The following PPARGC1B variants were observed in gnomAD, a reference collection of about 807,000 sequenced individuals.
PPARGC1B encodes peroxisome proliferator-activated receptor gamma coactivator 1-beta.
In PPARGC1B, 34 loss-of-function variants were observed where a neutral mutation model predicts 101.6. The ratio of observed to expected loss-of-function variants is 0.33; its 90% CI spans 0.25 to 0.45. The LOEUF (loss-of-function observed/expected upper bound fraction) is 0.45. Among genes scored for constraint, PPARGC1B ranks in the 20% least tolerant of loss-of-function variants. The probability of loss-of-function intolerance (pLI) is 1.00; values close to 1 mark genes in which losing one functional copy is unlikely to be tolerated. For synonymous variants in PPARGC1B, 548 were observed against 539.3 expected (o/e 1.02, Z -0.22); for missense variants, 1,234 against 1,317.6 (o/e 0.94, Z 0.98).
rs201010955 is a variant in PPARGC1B at position 149,845,803 on chromosome 5, G to A, written c.2860G>A (p.Ala954Thr). Residue 954 changes from alanine to threonine, a missense_variant, in exon 11 of 12, where the codon GCG (alanine) becomes ACG (threonine). Coordinates refer to ENST00000309241, the MANE Select transcript of PPARGC1B (RefSeq NM_133263.4). ...GFITYRCSEHAALSLTKGAAL... is the reference protein window; with the variant it reads ...GFITYRCSEHTALSLTKGAAL... ...CATCACCTACCGGTGTTCTGAGCAC[G>A]CGGCCCTCTCTTTGACAAAGGGCGC... is the stretch of plus-strand genomic sequence containing the variant. 3.9e-5 allele frequency: 63 copies of A among 1,614,012 alleles called. No individual in the cohort carries two copies. The highest frequency in any genetic ancestry group is 1.7e-4 in the African/African-American group (13 of 75,056).
intron 1 of PPARGC1B, among the ~76,000 whole-genome samples, chr5:149,807,864 G>A (rs1757661077): frequency 6.6e-6 from 1 of 152,146 alleles, no homozygotes; most frequent in Non-Finnish European, 1.5e-5. Context: ...TTAGTCACCT[G>A]CATGAACAGT....
chr5:149,744,861 C>G (rs1034150417), intron 1 of PPARGC1B, among the ~76,000 whole-genome samples: 12 of 150,716 alleles, frequency 8.0e-5, no homozygotes, highest in Non-Finnish European at 1.8e-4. Flanking sequence ...CTTAGTGATT[C>G]ATAAGAGCTT....
chr5:149,819,224 C>T (rs1158611989), intron 1 of PPARGC1B, among the ~76,000 whole-genome samples: 1 of 152,212 alleles, frequency 6.6e-6, no homozygotes, highest in East Asian at 1.9e-4. Flanking sequence ...TCAGAGTCAC[C>T]TGTGGCTCCC....
rs1758828056 is a variant in PPARGC1B, at chr5:149,832,393, GTCAGT to G, written c.583-262_583-258del. 1.3e-5 allele frequency among the ~76,000 whole-genome samples: 2 copies of G among 152,150 alleles called. No homozygotes were observed. On this transcript the variant is annotated intron_variant, in intron 4 of 11. Transcript: ENST00000309241. This position sits in a 1 kb window ranked among gnomAD's most constrained non-coding sequence, Gnocchi z 4.9. ...GGCGGAATGGTCAGAGTGGGGCTTT[GTCAGT>G]GAATCTGGAAGGGTCTGCAGGGGCG...
At chr5:149,749,788 A>G (rs965553952) in intron 1 of PPARGC1B, among the ~76,000 whole-genome samples, 1 of 152,054 alleles carries the variant, frequency 6.6e-6, no homozygotes, top group Non-Finnish European at 1.5e-5. Context: ...GAGTTTCCTA[A>G]TCTCTGCCAT....
At chr5:149,789,362 A>G (rs887765532) in intron 1 of PPARGC1B, among the ~76,000 whole-genome samples, 1 of 152,228 alleles carries the variant, frequency 6.6e-6, no homozygotes, top group African/African-American at 2.4e-5. Flanking sequence ...TTATGTACAC[A>G]GGTTGTGTCC....
At chr5:149,744,543 G>A (rs955872071) in intron 1 of PPARGC1B, among the ~76,000 whole-genome samples, 10 of 152,276 alleles carry the variant, frequency 6.6e-5, no homozygotes, top group East Asian at 1.9e-4. Context: ...AGTGTTCTCC[G>A]AGAAAGCAAG....
intron 3 of PPARGC1B, among the ~76,000 whole-genome samples, chr5:149,828,618 G>C (rs966178833): frequency 1.2e-4 from 19 of 152,204 alleles, no homozygotes; most frequent in Non-Finnish European, 1.8e-4. Context: ...CTGGTCAAAG[G>C]TTGTTTCCCT....
intron 1 of PPARGC1B, among the ~76,000 whole-genome samples, chr5:149,802,241 G>A (rs553364646): frequency 5.9e-5 from 9 of 152,254 alleles, no homozygotes; most frequent in African/African-American, 1.9e-4. Flanking sequence ...TGTCCTACAC[G>A]GTCTGAAAGG....
chr5:149,776,569 A>G (rs149883504), intron 1 of PPARGC1B, among the ~76,000 whole-genome samples: 2 of 152,226 alleles, frequency 1.3e-5, no homozygotes, highest in African/African-American at 4.8e-5. Flanking sequence ...TCGTTGAACT[A>G]GGGGATCTTG....
chr5:149,736,617 C>G (rs1166274248), intron 1 of PPARGC1B, among the ~76,000 whole-genome samples: 11 of 152,156 alleles, frequency 7.2e-5, no homozygotes, highest in Admixed American at 7.2e-4. Flanking sequence ...GCAGTTACTA[C>G]CAAAGAGATC....
chr5:149,788,642 C>T (rs562563621), intron 1 of PPARGC1B, among the ~76,000 whole-genome samples: 1 of 152,276 alleles, frequency 6.6e-6, no homozygotes, highest in South Asian at 2.1e-4. Flanking sequence ...TTTATTGCGG[C>T]ACTATTCACA....
At chr5:149,855,444 T>C (rs1156605318), downstream of PPARGC1B, among the ~76,000 whole-genome samples, 1 of 152,200 alleles carries the variant, frequency 6.6e-6, no homozygotes, top group Non-Finnish European at 1.5e-5. Context: ...CTTGTTTTGG[T>C]ATATCAACTT....
In PPARGC1B at chr5:149,795,171, G is replaced by A. The variant is rs150502778; in HGVS notation, c.79-25262G>A. The stretch of plus-strand genomic sequence containing the variant: ...CTTGCAGCAGCTCTGAAATGAAAAG[G>A]TTTTTGTTCTTATTCTAGCATAGAA... On this transcript the variant is annotated intron_variant, in intron 1 of 11. Transcript: ENST00000309241. Among the ~76,000 whole-genome samples, 38 of 152,250 alleles carry A rather than the reference G, an allele frequency of 2.5e-4. 1 individual carries two copies. The East Asian group carries it at 2.7e-3, about 11-fold the overall frequency.
In PPARGC1B at chr5:149,851,224, C is replaced by T. The variant is rs1549187; in HGVS notation, c.*3666C>T. Reference sequence around the variant, plus strand: ...CCTAAAGCCTGTTCCTGTTGGTTTTCTTAGAGTGATTTCTCCTAGACATGT... The same window carrying T: ...CCTAAAGCCTGTTCCTGTTGGTTTTTTTAGAGTGATTTCTCCTAGACATGT... On this transcript the variant is annotated 3_prime_UTR_variant, in exon 12 of 12. Coordinates refer to ENST00000309241, the MANE Select transcript of PPARGC1B (RefSeq NM_133263.4). 0.082 allele frequency: 12,530 copies of T among 152,238 alleles called. 642 individuals carry two copies. Among genetic ancestry groups the T allele is most frequent in the Admixed American group, 0.16 (2,465 of 15,288 alleles). The allele number at this position is 152,238 out of a possible 1,614,324, so 9.4% of individuals were successfully genotyped here. A position where few individuals can be genotyped will look rare whatever the true frequency, so the allele number is the denominator to read the frequency against.
chr5:149,816,354 A>G (rs1011732669), intron 1 of PPARGC1B, among the ~76,000 whole-genome samples: 1 of 152,182 alleles, frequency 6.6e-6, no homozygotes, highest in Non-Finnish European at 1.5e-5. Context: ...AGGGAAGGAC[A>G]CTCACCGGAT....
intron 1 of PPARGC1B, among the ~76,000 whole-genome samples, chr5:149,777,922 TCACACACACA>T (rs58159275): frequency 0.018 from 210 of 11,592 alleles, 14 homozygotes; most frequent in African/African-American, 0.064. Flanking sequence ...CCATGTAGCA[TCACACACACA>T]CACACACACA....
At chr5:149,772,149 G>A in intron 1 of PPARGC1B, 1 of 1,606,702 alleles carries the variant, frequency 6.2e-7, no homozygotes, top group Admixed American at 1.7e-5. Flanking sequence ...GGTAGGTGTT[G>A]GGCCAGAGGT....
Position 149,847,728 on chromosome 5 carries a change from A to G in PPARGC1B, c.*170A>G. The G allele has an allele frequency of 1.7e-6, 1 of 594,828 alleles. No individual in the cohort carries two copies. The highest frequency in any genetic ancestry group is 3.0e-6 in the Non-Finnish European group (1 of 335,072). The allele number at this position is 594,828 out of a possible 1,614,324, so 36.8% of individuals were successfully genotyped here. A position where few individuals can be genotyped will look rare whatever the true frequency, so the allele number is the denominator to read the frequency against. On this transcript the variant is annotated 3_prime_UTR_variant, in exon 12 of 12. Coordinates refer to ENST00000309241, the MANE Select transcript of PPARGC1B (RefSeq NM_133263.4). ...TTAAAAAAAAAAAAAATCAATGTTT[A>G]CATTGAACAAAGCTGCTTCTGTCTG... is the stretch of plus-strand genomic sequence containing the variant.
Sources: allele counts gnomAD v4.1 joint callset (sites outside exome capture counted in the v4.1 genomes callset), GRCh38; gene constraint gnomAD v4.1.1; non-coding constraint Gnocchi (gnomAD v3.1); transcripts MANE v1.5; gene names NCBI Gene and HGNC (gene_info 2026-07-23, HGNC 2026-07-21).